The following ZSCAN5A variants were observed in gnomAD, a reference collection of about 807,000 sequenced individuals.
The protein encoded by ZSCAN5A is zinc finger and SCAN domain-containing protein 5A.
Under a neutral mutation model 23.7 loss-of-function variants are expected in ZSCAN5A, and 12 were observed. The observed-to-expected ratio is 0.51, with a 90% confidence interval of 0.32 to 0.82. The LOEUF is 0.82. ZSCAN5A is among the 40% of genes least tolerant of loss of function. The pLI, the probability that ZSCAN5A is intolerant of heterozygous loss-of-function variation, is 0.03. For missense variants in ZSCAN5A, 597 were observed against 617.9 expected (o/e 0.97, Z 0.36); for synonymous variants, 257 against 239.9 (o/e 1.07, Z -0.66).
chr19:56,292,675 C>T (rs564385324), intron 2 of ZSCAN5A, among the ~76,000 whole-genome samples: 1 of 152,118 alleles, frequency 6.6e-6, no homozygotes, highest in African/African-American at 2.4e-5. Flanking sequence ...ACTTTATAAT[C>T]ACTGCCCCAC....
In ZSCAN5A at chr19:56,262,265, C is replaced by T. The variant is rs143989573; in HGVS notation, c.-127-37092G>A. Among the ~76,000 whole-genome samples, 784 of 152,224 alleles carry T rather than the reference C, an allele frequency of 5.2e-3. 9 individuals are homozygous for T. Among genetic ancestry groups the T allele is most frequent in the African/African-American group, 0.018 (734 of 41,520 alleles). ...AACTCCTGGCCTCAAGTGATCCACC[C>T]GCCTCAGCCTCCCAAAGTGCTAGGA... On this transcript the variant is annotated intron_variant, in intron 2 of 5. Coordinates refer to ENST00000683990, the MANE Select transcript of ZSCAN5A (RefSeq NM_001322064.3).
chr19:56,255,180 A>G (rs16987154), intron 2 of ZSCAN5A, among the ~76,000 whole-genome samples: 5,307 of 152,268 alleles, frequency 0.035, 283 homozygotes, highest in African/African-American at 0.12. Flanking sequence ...AGCTGCTCCC[A>G]TTGGAAACAG....
Position 56,350,848 on chromosome 19 carries a change from AAAT to A in ZSCAN5A, c.-358+12384_-358+12386del, listed in dbSNP as rs200356796. 1.6e-3 allele frequency among the ~76,000 whole-genome samples: 245 copies of A among 152,168 alleles called. 1 individual carries two copies. The highest frequency in any genetic ancestry group is 2.6e-3 in the Non-Finnish European group (176 of 67,992). ...AAGTTTAATATTTTAATATTTTATT[AAAT>A]AATGTTTTATTTAATAAAACATTAA... On this transcript the variant is annotated intron_variant, in intron 2 of 6. Transcript: ENST00000587340.
chr19:56,364,433 A>T (rs1469743040), intron 1 of ZSCAN5A, among the ~76,000 whole-genome samples: 1 of 152,236 alleles, frequency 6.6e-6, no homozygotes, highest in Non-Finnish European at 1.5e-5. Flanking sequence ...CATCAGAATG[A>T]CTACAATTGA....
At chr19:56,339,370 G>A (rs1315139620) in intron 2 of ZSCAN5A, among the ~76,000 whole-genome samples, 2 of 139,488 alleles carry the variant, frequency 1.4e-5, no homozygotes, top group Non-Finnish European at 3.1e-5. Context: ...AGGAGCGGCT[G>A]TAGCCGCATT....
chr19:56,328,060 T>G (rs2041452594), intron 2 of ZSCAN5A, among the ~76,000 whole-genome samples: 1 of 152,082 alleles, frequency 6.6e-6, no homozygotes, highest in Non-Finnish European at 1.5e-5. Context: ...AACTCAACAT[T>G]TATGGTAGTG....
At chr19:56,247,189 C>G in intron 2 of ZSCAN5A, 44 of 542,578 alleles carry the variant, frequency 8.1e-5, no homozygotes, top group South Asian at 3.8e-4. Flanking sequence ...CTCAGACCTC[C>G]GCGTCCACCA....
intron 2 of ZSCAN5A, among the ~76,000 whole-genome samples, chr19:56,257,256 G>A (rs934321877): frequency 1.6e-4 from 25 of 152,180 alleles, no homozygotes; most frequent in African/African-American, 5.8e-4. Context: ...CGAAAGGAGA[G>A]ATTCGAGTGA....
intron 2 of ZSCAN5A, among the ~76,000 whole-genome samples, chr19:56,309,243 A>T (rs186768436): frequency 6.6e-6 from 1 of 152,344 alleles, no homozygotes; most frequent in East Asian, 1.9e-4. Flanking sequence ...AAACAGACAG[A>T]TCTGGCAAAT....
At chr19:56,244,094 C>T (rs906989329) in intron 2 of ZSCAN5A, 107 of 1,411,436 alleles carry the variant, frequency 7.6e-5, no homozygotes, top group Non-Finnish European at 1.0e-4. Context: ...CTGCAACAGC[C>T]CTGAGTCAGA....
intron 2 of ZSCAN5A, among the ~76,000 whole-genome samples, chr19:56,342,072 T>C (rs2041597181): frequency 6.6e-6 from 1 of 152,176 alleles, no homozygotes; most frequent in African/African-American, 2.4e-5. Flanking sequence ...AAACCCAATC[T>C]ACAGAAACAC....
At chr19:56,354,018 C>T (rs181270632) in intron 2 of ZSCAN5A, among the ~76,000 whole-genome samples, 1 of 152,164 alleles carries the variant, frequency 6.6e-6, no homozygotes, top group Admixed American at 6.5e-5. Context: ...GGGCACTATA[C>T]TATGTAAAAG....
At chr19:56,274,858 T>G (rs763248030) in intron 2 of ZSCAN5A, 15 of 152,218 alleles carry the variant, frequency 9.9e-5, no homozygotes, top group Non-Finnish European at 1.9e-4. Flanking sequence ...GTCTTGTGAT[T>G]TGTCCTTAGG....
At chr19:56,332,508 G>A (rs2041498783) in intron 2 of ZSCAN5A, among the ~76,000 whole-genome samples, 1 of 152,040 alleles carries the variant, frequency 6.6e-6, no homozygotes, top group Non-Finnish European at 1.5e-5. Flanking sequence ...CCATTTGTAT[G>A]ATTTTCTTCC....
At chr19:56,321,816 T>A in intron 2 of ZSCAN5A, 1 of 1,071,622 alleles carries the variant, frequency 9.3e-7, no homozygotes, top group Non-Finnish European at 1.5e-6. Context: ...TGCCACCACT[T>A]GTAAACTGGA....
chr19:56,332,743 T>C (rs2041500779), intron 2 of ZSCAN5A, among the ~76,000 whole-genome samples: 1 of 152,252 alleles, frequency 6.6e-6, no homozygotes. Context: ...GGTGGTTGCT[T>C]TATAGGATCT....
At chr19:56,276,933 C>T (rs947216482) in intron 2 of ZSCAN5A, among the ~76,000 whole-genome samples, 1 of 151,862 alleles carries the variant, frequency 6.6e-6, no homozygotes, top group Non-Finnish European at 1.5e-5. Context: ...TTTACAAATA[C>T]AAATACTTAT....
At chr19:56,282,526 C>T in intron 2 of ZSCAN5A, 1 of 985,268 alleles carries the variant, frequency 1.0e-6, no homozygotes, top group Non-Finnish European at 1.2e-6. Flanking sequence ...ATCTCTTTCC[C>T]TTTGGGGTCT....
chr19:56,286,103 C>G (rs1199447524), intron 2 of ZSCAN5A, among the ~76,000 whole-genome samples: 5 of 152,106 alleles, frequency 3.3e-5, no homozygotes, highest in Non-Finnish European at 1.5e-5. Flanking sequence ...CTCATTGCAA[C>G]CTCCGCCTCC....
Sources: gnomAD v4.1 joint callset for allele counts (sites outside exome capture counted in the v4.1 genomes callset) on GRCh38, gnomAD v4.1.1 for gene constraint, MANE v1.5 for transcripts, NCBI Gene and HGNC (gene_info 2026-07-23, HGNC 2026-07-21) for gene names.